The following LCA5 variants were observed in gnomAD, a reference collection of about 807,000 sequenced individuals.
The protein encoded by LCA5 is lebercilin.
LCA5 carries 37 observed loss-of-function variants against 53.0 expected under a neutral mutation model. The ratio of observed to expected loss-of-function variants is 0.70; its 90% CI spans 0.54 to 0.92. The LOEUF (loss-of-function observed/expected upper bound fraction) is 0.92. Among genes scored for constraint, LCA5 ranks in the 40% least tolerant of loss-of-function variants. LCA5 has a pLI of 0.00. For synonymous variants in LCA5, 303 were observed against 282.9 expected, an observed-to-expected ratio of 1.07 and a Z score of -0.71; for missense variants, 806 against 790.5, an observed-to-expected ratio of 1.02 and a Z score of -0.23.
intron 3 of LCA5, among the ~76,000 whole-genome samples, chr6:79,498,327 C>A (rs1770039464): frequency 6.6e-6 from 1 of 151,922 alleles, no homozygotes; most frequent in Non-Finnish European, 1.5e-5. Context: ...TTCAGATTTG[C>A]AATTCTCTGT....
Position 79,493,762 on chromosome 6 carries a change from A to T in LCA5, c.721-12T>A. 1 of 1,593,714 alleles carries T rather than the reference A, an allele frequency of 6.3e-7. No homozygotes were observed. The highest frequency in any genetic ancestry group is 1.1e-5 in the South Asian group (1 of 88,518). ...TTTTTCGATAGCTCCTATATGTATA[A>T]ATACATAAAAAGCAGTCCTTTAAAA... On this transcript the variant is annotated splice_polypyrimidine_tract_variant and intron_variant, in intron 3 of 7. Coordinates refer to ENST00000369846, the MANE Select transcript of LCA5 (RefSeq NM_001122769.3).
intron 1 of LCA5, among the ~76,000 whole-genome samples, chr6:79,534,431 T>C (rs1469753156): frequency 1.3e-5 from 2 of 152,066 alleles, no homozygotes; most frequent in Admixed American, 1.3e-4. Context: ...ATTTATTCAT[T>C]TATAAGACAT....
chr6:79,511,574 G>A (rs1307963333), intron 3 of LCA5, among the ~76,000 whole-genome samples: 1 of 152,106 alleles, frequency 6.6e-6, no homozygotes, highest in Non-Finnish European at 1.5e-5. Flanking sequence ...ATCTATACAT[G>A]TGATGAAACT....
intron 3 of LCA5, among the ~76,000 whole-genome samples, chr6:79,499,619 G>T (rs947808131): frequency 2.6e-5 from 4 of 150,966 alleles, no homozygotes; most frequent in African/African-American, 9.7e-5. Context: ...GGAAGAAAAT[G>T]CAAATAGTAG....
At chr6:79,535,052 C>CTGGA (rs1436777476) in intron 1 of LCA5, among the ~76,000 whole-genome samples, 1 of 152,054 alleles carries the variant, frequency 6.6e-6, no homozygotes, top group Non-Finnish European at 1.5e-5. Context: ...AAATAATATT[C>CTGGA]TGGATATATG....
At chr6:79,514,530 G>T (rs543739108) in intron 2 of LCA5, among the ~76,000 whole-genome samples, 3 of 152,108 alleles carry the variant, frequency 2.0e-5, no homozygotes, top group Non-Finnish European at 4.4e-5. Context: ...CAAAGGAAAA[G>T]AAATCATTCT....
intron 1 of LCA5, among the ~76,000 whole-genome samples, chr6:79,521,570 T>C (rs1016774582): frequency 2.5e-4 from 38 of 152,200 alleles, no homozygotes; most frequent in Admixed American, 5.2e-4. Flanking sequence ...AAGAAGTAAA[T>C]ATAAACTAAT....
intron 1 of LCA5, among the ~76,000 whole-genome samples, chr6:79,531,229 C>CT (rs904305743): frequency 2.6e-5 from 4 of 152,176 alleles, no homozygotes; most frequent in African/African-American, 9.6e-5. Context: ...ATCCCATCCT[C>CT]TTTACCCTCT....
At chr6:79,523,653 T>C (rs1461639621) in intron 1 of LCA5, among the ~76,000 whole-genome samples, 2 of 152,318 alleles carry the variant, frequency 1.3e-5, no homozygotes, top group South Asian at 2.1e-4. Flanking sequence ...GTTGGTTACA[T>C]GGTAAAGATG....
chr6:79,517,180 C>T (rs1411911941), intron 2 of LCA5, among the ~76,000 whole-genome samples: 1 of 151,940 alleles, frequency 6.6e-6, no homozygotes, highest in Non-Finnish European at 1.5e-5. Context: ...AGACTAATTA[C>T]CACAGATTTT....
At chr6:79,497,069 C>T (rs2655675) in intron 3 of LCA5, among the ~76,000 whole-genome samples, 75,625 of 151,768 alleles carry the variant, frequency 0.5, 20,209 homozygotes, top group East Asian at 0.82. Context: ...TAAAAGATAA[C>T]GACAAAATGA....
rs1766297468 is a variant in LCA5 at position 79,513,303 on chromosome 6, G to C, written c.629C>G (p.Ser210Cys). 1 of 1,613,566 alleles carries C rather than the reference G, an allele frequency of 6.2e-7. No homozygotes were observed. Among genetic ancestry groups the C allele is most frequent in the Admixed American group, 1.7e-5 (1 of 59,954 alleles). The part of the protein sequence containing the change: ...KFSLQKLKEI[S>C]EARHLPERDD... The stretch of plus-strand genomic sequence containing the variant: ...TCGTTCAGGTAGGTGTCTAGCTTCA[G>C]AGATCTCTTTCAGTTTCTGTAAGGA... The change falls in exon 3 of 8, where the codon TCT (serine) becomes TGT (cysteine). Residue 210 changes from serine (S) to cysteine (C), a missense_variant. By Grantham distance (112) the Ser-to-Cys change is moderately radical (BLOSUM62 -1). Coordinates refer to ENST00000369846, the MANE Select transcript of LCA5 (RefSeq NM_001122769.3).
At chr6:79,493,868 C>T in intron 3 of LCA5, 118 bp from the exon 4 acceptor site, 1 of 721,108 alleles carries the variant, frequency 1.4e-6, no homozygotes, top group Non-Finnish European at 2.3e-6. Context: ...ACAAATCAGA[C>T]TGGGCATAGT....
At chr6:79,522,943 T>C (rs1222407172) in intron 1 of LCA5, among the ~76,000 whole-genome samples, 2 of 151,892 alleles carry the variant, frequency 1.3e-5, no homozygotes, top group Non-Finnish European at 1.5e-5. Flanking sequence ...TTTAGAGATA[T>C]ATGTTCAAAT....
Position 79,518,884 on chromosome 6 carries a change from C to G in LCA5, c.11G>C (p.Arg4Thr). The change falls in exon 2 of 8, where the codon AGA becomes ACA. Residue 4 changes from arginine (R) to threonine (T), a missense_variant. Transcript: ENST00000369846. ...TTGATCAGTACCTGGACTTCCTGCT[C>G]TTTCCCCCATTGTTTTGAAAAATGG... is the stretch of plus-strand genomic sequence containing the variant. MGE[R>T]AGSPGTDQER... 1 of 1,614,160 alleles carries G rather than the reference C, an allele frequency of 6.2e-7. No homozygotes were observed. Among genetic ancestry groups the G allele is most frequent in the Middle Eastern group, 1.6e-4 (1 of 6,062 alleles).
rs769213799 is a variant in LCA5, at chr6:79,513,527, A to C, written c.405T>G (p.Ser135=). Residue 135 remains serine, a synonymous_variant, in exon 3 of 8, where the codon TCT becomes TCG. Transcript: ENST00000369846. The part of the protein sequence containing the change: ...KLAELLKENK[S]LKRLQYRQEK... Reference sequence around the variant, plus strand: ...CCTGTCTGTACTGAAGCCTTTTCAAAGATTTATTTTCTTTTAGCAGCTCAG... The same window carrying C: ...CCTGTCTGTACTGAAGCCTTTTCAACGATTTATTTTCTTTTAGCAGCTCAG... 2 of 1,613,850 alleles carry C rather than the reference A, an allele frequency of 1.2e-6. No homozygotes were observed. The highest frequency in any genetic ancestry group is 1.7e-4 in the Middle Eastern group (1 of 6,056).
rs775866690 is a variant in LCA5 at position 79,513,337 on chromosome 6, T to C, written c.595A>G (p.Thr199Ala). The C allele has an allele frequency of 2.2e-5, 36 of 1,613,938 alleles. No homozygotes were observed. In the Admixed American group the frequency reaches 5.8e-4, roughly 26 times the overall value. The stretch of plus-strand genomic sequence containing the variant: ...TTCAGTTTCTGTAAGGAAAATTTTG[T>C]CCTAAATAGTTCACTTTCTGTATCT... ...VKDTESELFR[T>A]KFSLQKLKEI... Residue 199 changes from threonine to alanine, a missense_variant, in exon 3 of 8, where the codon ACA becomes GCA. Physicochemically the swap from Thr to Ala is moderately conservative, Grantham distance 58. Transcript: ENST00000369846.
Position 79,485,797 on chromosome 6 carries a change from C to T in LCA5, c.*1207G>A, listed in dbSNP as rs957889176. 1 of 152,048 alleles carries T rather than the reference C, an allele frequency of 6.6e-6. No homozygotes were observed. The highest frequency in any genetic ancestry group is 2.4e-5 in the African/African-American group (1 of 41,390). The allele number at this position is 152,048 out of a possible 1,614,324, so 9.4% of individuals were successfully genotyped here. A position where few individuals can be genotyped will look rare whatever the true frequency, so the allele number is the denominator to read the frequency against. ...ATTCTTCCCAACACACTATTTCCACCACTCTTCATTTTAACAATGTTTTCT... is the reference window on the plus strand; with the variant it reads ...ATTCTTCCCAACACACTATTTCCACTACTCTTCATTTTAACAATGTTTTCT... On this transcript the variant is annotated 3_prime_UTR_variant, in exon 8 of 8. Transcript: ENST00000369846.
At chr6:79,516,330 T>A (rs1375128212) in intron 2 of LCA5, among the ~76,000 whole-genome samples, 1 of 151,950 alleles carries the variant, frequency 6.6e-6, no homozygotes. Flanking sequence ...ACTCAGCTCT[T>A]GGAATGACAG....
Sources: gnomAD v4.1 joint callset for allele counts (sites outside exome capture counted in the v4.1 genomes callset) on GRCh38, gnomAD v4.1.1 for gene constraint, MANE v1.5 for transcripts, NCBI Gene and HGNC (gene_info 2026-07-23, HGNC 2026-07-21) for gene names.